LARGE1: variants seen among roughly 807,000 people sequenced by gnomAD.
The protein encoded by LARGE1 is xylosyl- and glucuronyltransferase LARGE1.
LARGE1 carries 43 observed loss-of-function variants against 87.6 expected under a neutral mutation model. That is an observed-to-expected ratio of 0.49 (90% CI 0.38 to 0.63). LARGE1 has a LOEUF of 0.63. Ranked by LOEUF, LARGE1 falls within the 30% of genes least tolerant of loss-of-function variation. The probability of loss-of-function intolerance (pLI) is 0.00; values close to 1 mark genes in which losing one functional copy is unlikely to be tolerated. For synonymous variants in LARGE1, 434 were observed against 394.6 expected (o/e 1.10, Z -1.18); for missense variants, 802 against 1,000.2 (o/e 0.80, Z 2.67).
chr22:33,818,858 C>T (rs1601692469), intron 1 of LARGE1, among the ~76,000 whole-genome samples: 2 of 152,254 alleles, frequency 1.3e-5, no homozygotes, highest in East Asian at 3.9e-4. Flanking sequence ...CAGGACTTCC[C>T]CCACCTTCAG....
At chr22:33,396,463 CAGAG>C (rs3071529) in intron 7 of LARGE1, among the ~76,000 whole-genome samples, 8,235 of 104,554 alleles carry the variant, frequency 0.079, 676 homozygotes, top group African/African-American at 0.24. Flanking sequence ...GAGAGAGTGA[CAGAG>C]AGAGAGAGAG....
rs114208234 is a variant in LARGE1 at position 33,496,133 on chromosome 22, A to G, written c.788-63868T>C. The stretch of plus-strand genomic sequence containing the variant: ...GAGGGCAGGAAGCATCCAGCATAGG[A>G]GAAAGATGGAGGCCAGAAGACTAAA... On this transcript the variant is annotated intron_variant, in intron 6 of 14. Coordinates refer to ENST00000397394, the MANE Select transcript of LARGE1 (RefSeq NM_133642.5). Among the ~76,000 whole-genome samples, 668 of 152,250 alleles carry G rather than the reference A, an allele frequency of 4.4e-3. 7 individuals are homozygous for G. Among genetic ancestry groups the G allele is most frequent in the African/African-American group, 0.015 (626 of 41,538 alleles).
In LARGE1 at chr22:33,745,083, G is replaced by A. The variant is rs1272394052; in HGVS notation, c.106+16288C>T. Among the ~76,000 whole-genome samples, 12 of 152,160 alleles carry A rather than the reference G, an allele frequency of 7.9e-5. No individual in the cohort carries two copies. The East Asian group carries it at 2.3e-3, about 29-fold the overall frequency. ...AGGAATTGCCTCAAAGCCTGAAGGAGCCGAGGGATTTCACCCAGGGAACAG... is the reference window on the plus strand; with the variant it reads ...AGGAATTGCCTCAAAGCCTGAAGGAACCGAGGGATTTCACCCAGGGAACAG... On this transcript the variant is annotated intron_variant, in intron 2 of 14. Transcript: ENST00000397394.
the LARGE1 span, among the ~76,000 whole-genome samples, chr22:33,084,171 G>A: frequency 1.3e-5 from 2 of 151,724 alleles, no homozygotes; most frequent in Admixed American, 6.6e-5. Context: ...TTCAGTTATC[G>A]CCTCCTCAAA....
chr22:33,600,560 G>T (rs7511290), intron 5 of LARGE1, among the ~76,000 whole-genome samples: 1 of 152,112 alleles, frequency 6.6e-6, no homozygotes, highest in South Asian at 2.1e-4. Flanking sequence ...TTTAGCAAAA[G>T]AACTTGTTAT....
intron 1 of LARGE1, among the ~76,000 whole-genome samples, chr22:33,845,497 G>A (rs1391185762): frequency 2.0e-5 from 3 of 151,776 alleles, no homozygotes; most frequent in African/African-American, 4.8e-5. Flanking sequence ...TAGTAGAGAC[G>A]GGGTTTCTCC....
At chr22:33,251,071 G>C (rs1413766775) in intron 11 of LARGE1, among the ~76,000 whole-genome samples, 2 of 152,110 alleles carry the variant, frequency 1.3e-5, no homozygotes, top group Non-Finnish European at 2.9e-5. Flanking sequence ...TAGGGAATTG[G>C]TACAATTTCT....
At chr22:33,801,161 C>T (rs973813757) in intron 1 of LARGE1, among the ~76,000 whole-genome samples, 8 of 152,192 alleles carry the variant, frequency 5.3e-5, no homozygotes, top group South Asian at 2.1e-4. Flanking sequence ...CCTTTTGCCT[C>T]GCACCATGAT....
At chr22:33,517,797 G>A (rs1472009396) in intron 6 of LARGE1, among the ~76,000 whole-genome samples, 1 of 152,182 alleles carries the variant, frequency 6.6e-6, no homozygotes, top group Admixed American at 6.5e-5. Context: ...GAGAATGCAT[G>A]GCCTCAGTCC....
At chr22:33,521,887 C>T (rs551130313) in intron 6 of LARGE1, among the ~76,000 whole-genome samples, 7 of 152,250 alleles carry the variant, frequency 4.6e-5, no homozygotes, top group African/African-American at 1.2e-4. Context: ...CAAAGCATAG[C>T]GCCTGCATCT....
rs1414312676 is a variant in LARGE1, at chr22:33,384,177, A to C, written c.1005+15T>G. On this transcript the variant is annotated intron_variant, in intron 8 of 14. Transcript: ENST00000397394. Reference sequence around the variant, plus strand: ...ACACTCAGGAATAGCTGCACCTTCGAACCTGGCCACTCACCTGGTCAGCTA... The same window carrying C: ...ACACTCAGGAATAGCTGCACCTTCGCACCTGGCCACTCACCTGGTCAGCTA... 4 of 1,586,406 alleles carry C rather than the reference A, an allele frequency of 2.5e-6. No homozygotes were observed. The East Asian group carries it at 8.9e-5, about 35-fold the overall frequency.
At chr22:33,525,652 C>T (rs1395951209) in intron 6 of LARGE1, among the ~76,000 whole-genome samples, 1 of 152,102 alleles carries the variant, frequency 6.6e-6, no homozygotes, top group Admixed American at 6.6e-5. Flanking sequence ...TGTTTCCCCC[C>T]CAGCATACTG....
intron 2 of LARGE1, among the ~76,000 whole-genome samples, chr22:33,756,224 G>A (rs901637432): frequency 6.6e-6 from 1 of 152,072 alleles, no homozygotes; most frequent in East Asian, 1.9e-4. Flanking sequence ...AGTCGGAGGA[G>A]GGCACATGTG....
chr22:33,149,423 A>C, the LARGE1 span, among the ~76,000 whole-genome samples: 2 of 152,112 alleles, frequency 1.3e-5, no homozygotes, highest in African/African-American at 4.8e-5. Flanking sequence ...TCTTTCATGA[A>C]TCATGCTTTG....
intron 1 of LARGE1, among the ~76,000 whole-genome samples, chr22:33,898,127 C>T (rs759033762): frequency 1.2e-4 from 19 of 152,304 alleles, no homozygotes; most frequent in Non-Finnish European, 2.6e-4. Flanking sequence ...GTTTCTTTGG[C>T]GGCCCACAGG....
chr22:33,708,982 T>A (rs1013149581), intron 2 of LARGE1, among the ~76,000 whole-genome samples: 2 of 152,132 alleles, frequency 1.3e-5, no homozygotes, highest in Admixed American at 1.3e-4. Flanking sequence ...TTCCTCTGTA[T>A]CTGTGTCCTA....
chr22:33,841,985 A>G (rs567412544), intron 1 of LARGE1, among the ~76,000 whole-genome samples: 1 of 152,368 alleles, frequency 6.6e-6, no homozygotes, highest in East Asian at 1.9e-4. Context: ...GTCACAAATA[A>G]CAGTCTAAAA....
the LARGE1 span, among the ~76,000 whole-genome samples, chr22:33,153,600 T>C: frequency 2.6e-5 from 4 of 152,194 alleles, no homozygotes; most frequent in Non-Finnish European, 5.9e-5. Flanking sequence ...TACTTACTCA[T>C]GGTGGGGTGT....
intron 3 of LARGE1, among the ~76,000 whole-genome samples, chr22:33,635,409 G>A (rs2080240775): frequency 6.6e-6 from 1 of 152,116 alleles, no homozygotes; most frequent in South Asian, 2.1e-4. Context: ...CTGGCTCTGA[G>A]TCTCTTCTTC....
Sources: allele counts gnomAD v4.1 joint callset (sites outside exome capture counted in the v4.1 genomes callset), GRCh38; gene constraint gnomAD v4.1.1; transcripts MANE v1.5; gene names NCBI Gene and HGNC (gene_info 2026-07-23, HGNC 2026-07-21).